Variants in HIF3A observed in about 807,000 individuals in gnomAD.
HIF3A encodes the protein hypoxia-inducible factor 3-alpha.
A neutral mutation model predicts 67.2 loss-of-function variants in HIF3A; 41 were observed. That is an observed-to-expected ratio of 0.61 (90% CI 0.48 to 0.79). HIF3A has a LOEUF of 0.79. Among genes scored for constraint, HIF3A ranks in the 30% least tolerant of loss-of-function variants. The probability of loss-of-function intolerance (pLI) is 0.00; values close to 1 mark genes in which losing one functional copy is unlikely to be tolerated. For synonymous variants in HIF3A, 356 were observed against 374.8 expected, an observed-to-expected ratio of 0.95 and a Z score of 0.58; for missense variants, 855 against 898.0, an observed-to-expected ratio of 0.95 and a Z score of 0.61.
At position 46,305,334 on chromosome 19, in the gene HIF3A, G is replaced by C. The variant is rs372758753; in HGVS notation, c.307G>C (p.Glu103Gln). 1.9e-6 allele frequency: 3 copies of C among 1,614,036 alleles called. No homozygotes were observed. In the Admixed American group the frequency reaches 5.0e-5, roughly 27 times the overall value. The change falls in exon 3 of 15, where the codon GAG (glutamate) becomes CAG (glutamine). Residue 103 changes from glutamate (E) to glutamine (Q), a missense_variant. Glu to Gln is a conservative substitution (Grantham distance 29, BLOSUM62 2). Around this residue, in one of 3 missense-constraint regions of HIF3A, gnomAD observed 638 missense variants for 660.5 expected, o/e 0.97. Transcript: ENST00000377670. ...GGGCTTCGTCATGGTGCTCACCGCC[G>C]AGGGAGACATGGCTTACCTGTCGGA... ...LEGFVMVLTA[E>Q]GDMAYLSENV...
At chr19:46,313,034 G>C in intron 8 of HIF3A, 1 of 958,234 alleles carries the variant, frequency 1.0e-6, no homozygotes, top group Non-Finnish European at 1.2e-6. Context: ...CGGATTGCCT[G>C]AGCTCAGGAG....
chr19:46,318,547 T>TCAA (rs1970108661), intron 8 of HIF3A, among the ~76,000 whole-genome samples: 1 of 47,982 alleles, frequency 2.1e-5, no homozygotes, highest in African/African-American at 8.2e-5. Flanking sequence ...AGATCCTGTC[T>TCAA]CAAAAAAAAA....
At position 46,297,934 on chromosome 19, in the gene HIF3A, G is replaced by A. The variant is rs751201582; in HGVS notation, c.26+832G>A. Among the ~76,000 whole-genome samples, 1 of 152,048 alleles carries A rather than the reference G, an allele frequency of 6.6e-6. No homozygotes were observed. The highest frequency in any genetic ancestry group is 1.5e-5 in the Non-Finnish European group (1 of 67,988). On this transcript the variant is annotated intron_variant, in intron 1 of 14. Transcript: ENST00000377670. This position sits in a 1 kb window ranked among gnomAD's most constrained non-coding sequence, Gnocchi z 4.5. ...GCAGGCTGTGATGGGAACGCCCCCT[G>A]CCGCAGTACTCAGATGGGGTCATCC... is the stretch of plus-strand genomic sequence containing the variant.
At position 46,321,873 on chromosome 19, in the gene HIF3A, C is replaced by A. The variant is rs1970395909; in HGVS notation, c.1242C>A (p.Leu414=). The part of the protein sequence containing the change: ...ADPRRFCSPD[L]RRLLGPILDG... ...CCCGCCGTTTCTGCAGCCCTGACCT[C>A]CGTCGCCTCCTGGGACCCATCCTGG... Residue 414 remains leucine, a synonymous_variant, in exon 10 of 15, where the codon CTC becomes CTA. Transcript: ENST00000377670. The A allele has an allele frequency of 1.2e-6, 2 of 1,613,928 alleles. No individual in the cohort carries two copies. Among genetic ancestry groups the A allele is most frequent in the Admixed American group, 1.7e-5 (1 of 59,990 alleles).
rs531924997 is a variant in HIF3A at position 46,311,241 on chromosome 19, G to T, written c.771-920G>T. 5.2e-4 allele frequency among the ~76,000 whole-genome samples: 79 copies of T among 151,894 alleles called. 1 individual carries two copies. The South Asian group carries it at 0.016, about 31-fold the overall frequency. ...TGTTGCTGCTGTAATATATTACCAC[G>T]AACTCAGTGGCTCCAAACAACACAA... On this transcript the variant is annotated intron_variant, in intron 6 of 14. Transcript: ENST00000377670.
rs567978655 is a variant in HIF3A at position 46,319,454 on chromosome 19, G to A, written c.1026-989G>A. Among the ~76,000 whole-genome samples, 31 of 152,188 alleles carry A rather than the reference G, an allele frequency of 2.0e-4. 1 individual carries two copies. The South Asian group carries it at 4.1e-3, about 20-fold the overall frequency. On this transcript the variant is annotated intron_variant, in intron 8 of 14. Coordinates refer to ENST00000377670, the MANE Select transcript of HIF3A (RefSeq NM_152795.4). ...CTCTCCAAAAGCCAACTTGCACAGC[G>A]AGCATTTAGATTGTCTCTGCAGCCA... is the stretch of plus-strand genomic sequence containing the variant.
At chr19:46,299,433 G>A (rs1000540675) in intron 1 of HIF3A, among the ~76,000 whole-genome samples, 2 of 152,214 alleles carry the variant, frequency 1.3e-5, no homozygotes, top group African/African-American at 2.4e-5. Flanking sequence ...CTGGAAATAC[G>A]GGCAGGCCGG....
At chr19:46,306,884 A>T (rs1456446177) in intron 3 of HIF3A, among the ~76,000 whole-genome samples, 1 of 152,282 alleles carries the variant, frequency 6.6e-6, no homozygotes. Flanking sequence ...CACCATTCAC[A>T]TGGTGAGCCA....
chr19:46,305,738 G>A (rs1418683104), intron 3 of HIF3A, among the ~76,000 whole-genome samples: 1 of 152,084 alleles, frequency 6.6e-6, no homozygotes, highest in African/African-American at 2.4e-5. Flanking sequence ...GGGAACAGAG[G>A]AGGCAAAGGC....
At chr19:46,327,006 T>A (rs1451221232) in intron 11 of HIF3A, among the ~76,000 whole-genome samples, 3 of 151,774 alleles carry the variant, frequency 2.0e-5, no homozygotes, top group African/African-American at 4.8e-5. Context: ...AAAAATAAAA[T>A]TAGCTAGGTG....
intron 13 of HIF3A, among the ~76,000 whole-genome samples, chr19:46,332,671 T>C (rs1373355250): frequency 6.6e-6 from 1 of 152,120 alleles, no homozygotes; most frequent in African/African-American, 2.4e-5. Context: ...TGTTTGAATA[T>C]GAGATGTGGT....
At position 46,308,753 on chromosome 19, in the gene HIF3A, A is replaced by G; in HGVS notation, c.539A>G (p.Asn180Ser). 6.2e-7 allele frequency: 1 copy of G among 1,608,438 alleles called. No individual in the cohort carries two copies. The highest frequency in any genetic ancestry group is 1.3e-5 in the African/African-American group (1 of 74,976). ...CTCACCAGCCGCGGGCGCACCCTCAACCTCAAGGCGGCCACCTGGAAGGTG... is the reference window on the plus strand; with the variant it reads ...CTCACCAGCCGCGGGCGCACCCTCAGCCTCAAGGCGGCCACCTGGAAGGTG... ...STLTSRGRTL[N>S]LKAATWKVLN... Residue 180 changes from asparagine to serine, a missense_variant, in exon 5 of 15, where the codon AAC becomes AGC. Asn to Ser is a conservative substitution (Grantham distance 46). This residue lies in a region of HIF3A where 638 missense variants were observed against 660.5 expected (regional missense o/e 0.97). Transcript: ENST00000377670.
Position 46,312,654 on chromosome 19 carries a change from G to T in HIF3A, c.1025+1G>T. 6.4e-7 allele frequency: 1 copy of T among 1,551,094 alleles called. No homozygotes were observed. Among genetic ancestry groups the T allele is most frequent in the Non-Finnish European group, 8.7e-7 (1 of 1,147,346 alleles). On this transcript the variant is annotated splice_donor_variant, in intron 8 of 14. Transcript: ENST00000377670. LOFTEE classifies it high-confidence loss of function. The stretch of plus-strand genomic sequence containing the variant: ...TCGTCTGTGTCCATTTTTTAATCAG[G>T]TAAGCAGGAGGAGGGGCTGGGGTGG...
chr19:46,312,454 C>T (rs116478928), intron 7 of HIF3A, 52 bp from the exon 8 acceptor site: 349,959 of 1,605,270 alleles, frequency 0.22, 40,635 homozygotes, highest in East Asian at 0.43. Flanking sequence ...AGATATTTCT[C>T]TCCCCATTTG....
intron 1 of HIF3A, chr19:46,298,215 T>TCCCCTCCCCTCTC: frequency 3.7e-6 from 1 of 273,776 alleles, no homozygotes; most frequent in Non-Finnish European, 7.2e-6. Context: ...ACCGCCCCCA[T>TCCCCTCCCCTCTC]CCTCTCCCCT....
Position 46,312,315 on chromosome 19 carries a change from C to T in HIF3A, c.877+48C>T, listed in dbSNP as rs769512846. On this transcript the variant is annotated intron_variant, in intron 7 of 14. Coordinates refer to ENST00000377670, the MANE Select transcript of HIF3A (RefSeq NM_152795.4). The stretch of plus-strand genomic sequence containing the variant: ...TGCGAAGCCAGCTGCCACATGGCCC[C>T]CAGCTGACACCAGGACCCCCCAGCT... 3.1e-6 allele frequency: 5 copies of T among 1,613,540 alleles called. No homozygotes were observed. The African/African-American group carries it at 6.7e-5, about 22-fold the overall frequency.
chr19:46,310,731 A>T, intron 6 of HIF3A: 1 of 385,284 alleles, frequency 2.6e-6, no homozygotes, highest in Non-Finnish European at 5.2e-6. Context: ...CTAATTTTTA[A>T]ATCATTATTG....
chr19:46,333,763 TTCCTTTCC>T (rs1971405802), intron 13 of HIF3A, among the ~76,000 whole-genome samples: 1 of 151,094 alleles, frequency 6.6e-6, no homozygotes, highest in African/African-American at 2.4e-5. Context: ...TTCTTTTCTT[TTCCTTTCC>T]TTTCTTTTCT....
At chr19:46,331,325 A>T (rs745609862) in intron 13 of HIF3A, 52 bp downstream of exon 13, 1 of 1,439,434 alleles carries the variant, frequency 6.9e-7, no homozygotes, top group Admixed American at 1.7e-5. Context: ...TAGCTGGCTT[A>T]AACCTACTGT....
Sources: gnomAD v4.1 joint callset for allele counts (sites outside exome capture counted in the v4.1 genomes callset) on GRCh38, gnomAD v4.1.1 for gene constraint, gnomAD v4.1.1 regional missense constraint, Gnocchi (gnomAD v3.1) non-coding constraint, MANE v1.5 for transcripts, NCBI Gene and HGNC (gene_info 2026-07-23, HGNC 2026-07-21) for gene names.